CNBD1: variants seen among roughly 807,000 people sequenced by gnomAD.
The protein encoded by CNBD1 is cyclic nucleotide-binding domain-containing protein 1.
Under a neutral mutation model 54.4 loss-of-function variants are expected in CNBD1, and 71 were observed. That is an observed-to-expected ratio of 1.30 (90% confidence interval 1.08 to 1.59). CNBD1 has a LOEUF of 1.59. Among genes scored for constraint, CNBD1 ranks in the 40% most tolerant of loss-of-function variants. The pLI, the probability that CNBD1 is intolerant of heterozygous loss-of-function variation, is 0.00. For missense variants in CNBD1, 659 were observed against 518.0 expected (o/e 1.27, Z -2.64); for synonymous variants, 182 against 170.7 (o/e 1.07, Z -0.51).
intron 1 of CNBD1, among the ~76,000 whole-genome samples, chr8:86,869,977 C>T (rs1282829022): frequency 6.6e-6 from 1 of 151,812 alleles, no homozygotes; most frequent in Non-Finnish European, 1.5e-5. Context: ...GCTTATTCTT[C>T]TGAGGAAGAA....
At chr8:86,952,078 G>T (rs1807640307) in intron 4 of CNBD1, among the ~76,000 whole-genome samples, 1 of 152,080 alleles carries the variant, frequency 6.6e-6, no homozygotes, top group South Asian at 2.1e-4. Flanking sequence ...ATAACCATTT[G>T]TCTTCCATCT....
intron 2 of CNBD1, among the ~76,000 whole-genome samples, chr8:87,425,883 C>G (rs1239481413): frequency 1.3e-5 from 2 of 152,164 alleles, no homozygotes; most frequent in Non-Finnish European, 2.9e-5. Flanking sequence ...TTTACCTAAT[C>G]AAGCCTGGGC....
intron 3 of CNBD1, among the ~76,000 whole-genome samples, chr8:86,929,681 T>A (rs1401125472): frequency 1.3e-5 from 2 of 152,166 alleles, no homozygotes; most frequent in Non-Finnish European, 1.5e-5. Context: ...GGAGTAGTGC[T>A]TGGTATCTAA....
At chr8:87,046,559 C>T (rs1810194986) in intron 4 of CNBD1, among the ~76,000 whole-genome samples, 2 of 152,104 alleles carry the variant, frequency 1.3e-5, no homozygotes, top group South Asian at 4.1e-4. Context: ...AACCAGGAAC[C>T]ACAGAGAAAA....
chr8:87,137,347 C>T (rs189321334), intron 4 of CNBD1, among the ~76,000 whole-genome samples: 4 of 151,222 alleles, frequency 2.6e-5, no homozygotes, highest in Admixed American at 6.6e-5. Context: ...CAGGCGCCAG[C>T]CACCATGCCA....
intron 4 of CNBD1, among the ~76,000 whole-genome samples, chr8:87,179,369 A>G (rs1813263852): frequency 1.3e-5 from 2 of 152,216 alleles, no homozygotes; most frequent in Admixed American, 6.5e-5. Flanking sequence ...AAATATGATT[A>G]TGACTTTAAA....
chr8:86,908,552 T>A (rs1809052354), intron 3 of CNBD1, among the ~76,000 whole-genome samples: 1 of 152,188 alleles, frequency 6.6e-6, no homozygotes, highest in African/African-American at 2.4e-5. Context: ...TAAATTGTGC[T>A]AGTTTTCATT....
chr8:87,131,537 CT>C (rs1378927241), intron 4 of CNBD1, among the ~76,000 whole-genome samples: 1 of 151,912 alleles, frequency 6.6e-6, no homozygotes, highest in East Asian at 1.9e-4. Flanking sequence ...TTTTACTTTT[CT>C]CATTAAGCAT....
intron 6 of CNBD1, among the ~76,000 whole-genome samples, chr8:87,283,738 C>G (rs959538841): frequency 6.6e-6 from 1 of 152,044 alleles, no homozygotes; most frequent in East Asian, 1.9e-4. Context: ...AGTTCCTAGA[C>G]TTTAGGCAAG....
At chr8:87,322,921 G>A (rs2130901587) in intron 8 of CNBD1, among the ~76,000 whole-genome samples, 1 of 110,918 alleles carries the variant, frequency 9.0e-6, no homozygotes, top group African/African-American at 3.5e-5. Flanking sequence ...TTTCTTCTAG[G>A]GTTTTTATGG....
intron 4 of CNBD1, among the ~76,000 whole-genome samples, chr8:86,985,117 T>G (rs1586180304): frequency 6.6e-6 from 1 of 152,136 alleles, no homozygotes; most frequent in Non-Finnish European, 1.5e-5. Context: ...GATCTGATAG[T>G]TTTAAAAAGG....
intron 4 of CNBD1, among the ~76,000 whole-genome samples, chr8:86,960,648 C>T (rs1489138402): frequency 6.6e-6 from 1 of 152,166 alleles, no homozygotes; most frequent in Admixed American, 6.5e-5. Flanking sequence ...GTTCTCCCAG[C>T]ACGGAGCTGG....
At chr8:87,064,835 A>G (rs1408531868) in intron 4 of CNBD1, among the ~76,000 whole-genome samples, 1 of 151,876 alleles carries the variant, frequency 6.6e-6, no homozygotes, top group Admixed American at 6.6e-5. Flanking sequence ...ATCATCTTTC[A>G]TCACTTTAGT....
At chr8:87,347,695 C>A (rs1475935970) in intron 8 of CNBD1, among the ~76,000 whole-genome samples, 3 of 151,994 alleles carry the variant, frequency 2.0e-5, no homozygotes, top group Admixed American at 1.3e-4. Context: ...GGTTATTGGG[C>A]TGGACATCAA....
intron 8 of CNBD1, among the ~76,000 whole-genome samples, chr8:87,331,057 T>G (rs1448705379): frequency 6.6e-6 from 1 of 152,200 alleles, no homozygotes; most frequent in African/African-American, 2.4e-5. Flanking sequence ...TTTTTATTCT[T>G]TATTTTTTTA....
At chr8:87,330,446 A>G (rs1809801007) in intron 8 of CNBD1, among the ~76,000 whole-genome samples, 1 of 151,824 alleles carries the variant, frequency 6.6e-6, no homozygotes, top group Non-Finnish European at 1.5e-5. Flanking sequence ...CCCTCTAAGC[A>G]TGGATTTTGC....
chr8:86,963,617 G>T (rs1807992981), intron 4 of CNBD1, among the ~76,000 whole-genome samples: 1 of 152,170 alleles, frequency 6.6e-6, no homozygotes, highest in African/African-American at 2.4e-5. Flanking sequence ...GGGAGTCCCA[G>T]TAACTGGGGA....
Position 87,183,393 on chromosome 8 carries a change from T to G in CNBD1, c.432-22600T>G, listed in dbSNP as rs866459669. Among the ~76,000 whole-genome samples, 226 of 142,888 alleles carry G rather than the reference T, an allele frequency of 1.6e-3. 2 individuals are homozygous for G. The highest frequency in any genetic ancestry group is 5.0e-3 in the African/African-American group (201 of 40,206). 93.7% of individuals were successfully genotyped at this position (142,888 alleles called of 152,430 possible). On this transcript the variant is annotated intron_variant, in intron 4 of 10. Coordinates refer to ENST00000518476, the MANE Select transcript of CNBD1 (RefSeq NM_173538.3). ...TTGTTTTTGCGCTGTTTGTTTTTTT[T>G]TTTTTTTTTTGCTAATGATGGCTAT...
chr8:87,287,510 G>T (rs1808720804), intron 8 of CNBD1, among the ~76,000 whole-genome samples: 1 of 152,184 alleles, frequency 6.6e-6, no homozygotes, highest in Non-Finnish European at 1.5e-5. Context: ...AGTCTGCAAA[G>T]CCACAATTAT....
Sources: allele counts gnomAD v4.1 joint callset (sites outside exome capture counted in the v4.1 genomes callset), GRCh38; gene constraint gnomAD v4.1.1; transcripts MANE v1.5; gene names NCBI Gene and HGNC (gene_info 2026-07-23, HGNC 2026-07-21).